The following CELF2 variants were observed in gnomAD, a reference collection of about 807,000 sequenced individuals.
The protein encoded by CELF2 is CUGBP Elav-like family member 2, also known as CUG triplet repeat RNA-binding protein 2.
A neutral mutation model predicts 62.6 loss-of-function variants in CELF2; 8 were observed. That is an observed-to-expected ratio of 0.13 (90% CI 0.07 to 0.23). CELF2 has a LOEUF of 0.23. Among genes scored for constraint, CELF2 ranks in the 10% least tolerant of loss-of-function variants. The pLI, the probability that CELF2 is intolerant of heterozygous loss-of-function variation, is 1.00. For synonymous variants in CELF2, 258 were observed against 250.0 expected (o/e 1.03, Z -0.30); for missense variants, 333 against 671.0 (o/e 0.50, Z 5.56).
At chr10:10,986,976 T>C (rs1164640246) in intron 2 of CELF2, among the ~76,000 whole-genome samples, 1 of 152,228 alleles carries the variant, frequency 6.6e-6, no homozygotes, top group Non-Finnish European at 1.5e-5. Context: ...GCTGTACAAG[T>C]GTATAAACTG....
intron 1 of CELF2, among the ~76,000 whole-genome samples, chr10:10,859,923 A>T (rs193144662): frequency 0.027 from 4,152 of 152,094 alleles, 104 homozygotes; most frequent in Admixed American, 0.032. Flanking sequence ...TACATTTTTT[A>T]AAAAAAATTG....
chr10:11,266,748 T>C, intron 6 of CELF2, 71 bp downstream of exon 6: 2 of 1,217,828 alleles, frequency 1.6e-6, no homozygotes, highest in Non-Finnish European at 2.4e-6. Context: ...AATTCTCTCC[T>C]GTGTGGATTG....
intron 1 of CELF2, among the ~76,000 whole-genome samples, chr10:11,101,470 A>C (rs770914044): frequency 3.3e-5 from 5 of 152,234 alleles, no homozygotes; most frequent in South Asian, 2.1e-4. Context: ...GCTAGCTCTC[A>C]AGACATAGAG....
chr10:11,111,631 A>G (rs1186244108), intron 1 of CELF2, among the ~76,000 whole-genome samples: 2 of 152,144 alleles, frequency 1.3e-5, no homozygotes, highest in Non-Finnish European at 2.9e-5. Flanking sequence ...ATATGAAGGC[A>G]GTCTCTCTTT....
the CELF2 span, among the ~76,000 whole-genome samples, chr10:10,501,403 C>A: frequency 6.6e-6 from 1 of 152,034 alleles, no homozygotes; most frequent in Non-Finnish European, 1.5e-5. Flanking sequence ...TCCGCGTATC[C>A]TCTTTCATTA....
chr10:10,928,274 A>G lies in CELF2; in HGVS notation c.89+8275A>G, dbSNP rs60917758. Reference sequence around the variant, plus strand: ...CCTGAACAGAACTGGCAGTCAATAAATGTTTGTTGAATGACTATATGAGCC... The same window carrying G: ...CCTGAACAGAACTGGCAGTCAATAAGTGTTTGTTGAATGACTATATGAGCC... On this transcript the variant is annotated intron_variant, in intron 2 of 13. Transcript: ENST00000636488. The surrounding 1 kb of genome is among the most constrained non-coding windows in gnomAD (Gnocchi z 4.8). 0.3 allele frequency among the ~76,000 whole-genome samples: 45,567 copies of G among 152,044 alleles called. 7,661 individuals are homozygous for G. Among genetic ancestry groups the G allele is most frequent in the East Asian group, 0.72 (3,706 of 5,178 alleles).
At chr10:11,121,151 T>A (rs1005878977) in intron 1 of CELF2, among the ~76,000 whole-genome samples, 1 of 152,146 alleles carries the variant, frequency 6.6e-6, no homozygotes, top group African/African-American at 2.4e-5. Flanking sequence ...ATTTTGCAAA[T>A]TCAGAAATAA....
At chr10:10,589,062 A>C in the CELF2 span, among the ~76,000 whole-genome samples, 2 of 152,226 alleles carry the variant, frequency 1.3e-5, no homozygotes, top group East Asian at 3.8e-4. Context: ...TCAGGCTACA[A>C]CTTGGTTTTA....
intron 11 of CELF2, among the ~76,000 whole-genome samples, chr10:11,323,716 G>A (rs1000491406): frequency 1.3e-5 from 2 of 152,184 alleles, no homozygotes; most frequent in African/African-American, 2.4e-5. Flanking sequence ...GACCAGTAGT[G>A]AGTGTAACAG....
At chr10:11,122,499 C>T (rs2057947538) in intron 1 of CELF2, among the ~76,000 whole-genome samples, 1 of 152,282 alleles carries the variant, frequency 6.6e-6, no homozygotes, top group Non-Finnish European at 1.5e-5. Flanking sequence ...ACAGCTTTAC[C>T]CTTCAAACAG....
At chr10:10,729,411 AC>A in the CELF2 span, among the ~76,000 whole-genome samples, 1 of 152,220 alleles carries the variant, frequency 6.6e-6, no homozygotes, top group Non-Finnish European at 1.5e-5. Context: ...TTTCCTCGCA[AC>A]GGCTGCTTCA....
chr10:10,680,251 TTCTGACACCAG>T, the CELF2 span, among the ~76,000 whole-genome samples: 1 of 152,200 alleles, frequency 6.6e-6, no homozygotes, highest in South Asian at 2.1e-4. Context: ...CCACCCCCAC[TTCTGACACCAG>T]TTGCAAGTTT....
At chr10:10,976,450 T>A (rs2051349856) in intron 2 of CELF2, among the ~76,000 whole-genome samples, 1 of 152,212 alleles carries the variant, frequency 6.6e-6, no homozygotes, top group Non-Finnish European at 1.5e-5. Context: ...AATTAGTATG[T>A]CTCATTTCAC....
At chr10:10,538,976 G>C in the CELF2 span, among the ~76,000 whole-genome samples, 1 of 152,194 alleles carries the variant, frequency 6.6e-6, no homozygotes, top group South Asian at 2.1e-4. Flanking sequence ...GTAAAGAGCA[G>C]GAAAGTGAAA....
the CELF2 span, among the ~76,000 whole-genome samples, chr10:10,749,761 C>T: frequency 6.6e-6 from 1 of 152,162 alleles, no homozygotes; most frequent in South Asian, 2.1e-4. Context: ...TAAAAATGTT[C>T]ATGATTGTTA....
intron 1 of CELF2, among the ~76,000 whole-genome samples, chr10:10,808,690 A>T (rs1230992313): frequency 6.6e-6 from 1 of 152,212 alleles, no homozygotes; most frequent in Non-Finnish European, 1.5e-5. Flanking sequence ...TAAAGTGAGA[A>T]GACATGGTTC....
chr10:11,182,501 G>A (rs1366088205), intron 2 of CELF2, among the ~76,000 whole-genome samples: 1 of 152,228 alleles, frequency 6.6e-6, no homozygotes, highest in African/African-American at 2.4e-5. Context: ...GTCATGTGTA[G>A]GTGAATGGAA....
At chr10:10,839,842 C>T (rs1408085983) in intron 1 of CELF2, among the ~76,000 whole-genome samples, 4 of 152,154 alleles carry the variant, frequency 2.6e-5, no homozygotes, top group African/African-American at 9.7e-5. Flanking sequence ...GTTTCACTGC[C>T]CTAAAAATTC....
At chr10:10,766,232 C>G in the CELF2 span, among the ~76,000 whole-genome samples, 1 of 152,218 alleles carries the variant, frequency 6.6e-6, no homozygotes, top group Non-Finnish European at 1.5e-5. Context: ...TTCGTACATC[C>G]TGGCCGAGGT....
Sources: allele counts gnomAD v4.1 joint callset (sites outside exome capture counted in the v4.1 genomes callset), GRCh38; gene constraint gnomAD v4.1.1; non-coding constraint Gnocchi (gnomAD v3.1); transcripts MANE v1.5; gene names NCBI Gene and HGNC (gene_info 2026-07-23, HGNC 2026-07-21).